Variants in MINDY4 observed in about 807,000 individuals in gnomAD.
The protein encoded by MINDY4 is MINDY lysine 48 deubiquitinase 4.
A neutral mutation model predicts 87.0 loss-of-function variants in MINDY4; 68 were observed. The ratio of observed to expected loss-of-function variants is 0.78; its 90% CI spans 0.64 to 0.96. The LOEUF is 0.96. Ranked by LOEUF, MINDY4 falls within the 40% of genes least tolerant of loss-of-function variation. MINDY4 has a pLI of 0.00. For synonymous variants in MINDY4, 379 were observed against 363.2 expected (o/e 1.04, Z -0.50); for missense variants, 919 against 928.2 (o/e 0.99, Z 0.13).
At position 30,879,451 on chromosome 7, in the gene MINDY4, T is replaced by C. The variant is rs369892410; in HGVS notation, c.1972-2730T>C. On this transcript the variant is annotated intron_variant, in intron 15 of 17. Transcript: ENST00000265299. ...GCCATCCAGTCCGTGGTATTTGTTA[T>C]GGCAGCCCGAGCAGACTAATGCAGA... is the stretch of plus-strand genomic sequence containing the variant. Among the ~76,000 whole-genome samples, 237 of 152,356 alleles carry C rather than the reference T, an allele frequency of 1.6e-3. 1 individual carries two copies. In the South Asian group the frequency reaches 0.048, roughly 31 times the overall value.
At chr7:30,861,787 G>T (rs1024009423) in intron 13 of MINDY4, among the ~76,000 whole-genome samples, 7 of 152,356 alleles carry the variant, frequency 4.6e-5, no homozygotes, top group African/African-American at 1.7e-4. Flanking sequence ...TGCAGCCTTG[G>T]CCTGGGGCCC....
intron 5 of MINDY4, among the ~76,000 whole-genome samples, chr7:30,801,985 C>T (rs193106559): frequency 2.6e-5 from 4 of 152,238 alleles, no homozygotes; most frequent in Admixed American, 6.5e-5. Context: ...TCCTGGGATA[C>T]AGGCTGGGAA....
intron 5 of MINDY4, among the ~76,000 whole-genome samples, chr7:30,805,942 C>T (rs934759244): frequency 6.6e-6 from 1 of 152,110 alleles, no homozygotes; most frequent in Non-Finnish European, 1.5e-5. Flanking sequence ...GCAGGGTGCA[C>T]GGGCTTGGGT....
chr7:30,794,996 T>G (rs1307971616), intron 5 of MINDY4, among the ~76,000 whole-genome samples: 1 of 152,192 alleles, frequency 6.6e-6, no homozygotes, highest in African/African-American at 2.4e-5. Flanking sequence ...AAATTTTTAC[T>G]TACAACCCCC....
intron 17 of MINDY4, among the ~76,000 whole-genome samples, chr7:30,889,869 C>T (rs1790745358): frequency 6.6e-6 from 1 of 152,146 alleles, no homozygotes; most frequent in African/African-American, 2.4e-5. Context: ...CAAGGTAGTT[C>T]TTTCAGTATT....
intron 13 of MINDY4, among the ~76,000 whole-genome samples, chr7:30,871,085 G>A (rs535155580): frequency 2.6e-5 from 4 of 151,662 alleles, no homozygotes; most frequent in Admixed American, 6.6e-5. Flanking sequence ...GCATGTGACC[G>A]CCAGGTTCAG....
At position 30,860,362 on chromosome 7, in the gene MINDY4, G is replaced by C. The variant is rs61657351; in HGVS notation, c.1745+1038G>C. Among the ~76,000 whole-genome samples, 766 of 152,236 alleles carry C rather than the reference G, an allele frequency of 5.0e-3. 6 individuals are homozygous for C. The highest frequency in any genetic ancestry group is 0.018 in the African/African-American group (740 of 41,520). ...TGCGCCAGGCTGCCTGCTGCTTGCT[G>C]CTTCTGACCTTATTAAATGCGTGTG... On this transcript the variant is annotated intron_variant, in intron 13 of 17. Coordinates refer to ENST00000265299, the MANE Select transcript of MINDY4 (RefSeq NM_032222.3).
rs775962382 is a variant in MINDY4 at position 30,785,881 on chromosome 7, G to A, written c.552G>A (p.Lys184=). ...VLTSAWEKID[K]LHSEPSLDVK... is the part of the protein sequence containing the mutation. Reference sequence around the variant, plus strand: ...CTTCTGCATGGGAGAAGATAGACAAGCTTCACTCGGAGCCTTCCTTGGATG... The same window carrying A: ...CTTCTGCATGGGAGAAGATAGACAAACTTCACTCGGAGCCTTCCTTGGATG... The change falls in exon 4 of 18, where the codon AAG becomes AAA. Residue 184 remains lysine, a synonymous_variant. Transcript: ENST00000265299. The A allele has an allele frequency of 1.8e-5, 29 of 1,614,248 alleles. No individual in the cohort carries two copies. In the East Asian group the frequency reaches 6.2e-4, roughly 35 times the overall value.
At position 30,859,314 on chromosome 7, in the gene MINDY4, T is replaced by A; in HGVS notation, c.1735T>A (p.Ser579Thr). 5 of 1,614,078 alleles carry A rather than the reference T, an allele frequency of 3.1e-6. No individual in the cohort carries two copies. Among genetic ancestry groups the A allele is most frequent in the Non-Finnish European group, 4.2e-6 (5 of 1,179,992 alleles). The change falls in exon 13 of 18, where the codon TCT becomes ACT. Residue 579 changes from serine (S) to threonine (T), a missense_variant. Physicochemically the swap from Ser to Thr is moderately conservative, Grantham distance 58 (BLOSUM62 1). Transcript: ENST00000265299. ...LLTLSAILSR[S>T]TELIRQDFDV... ...CACCCTTTCTGCCATCCTGTCCAGG[T>A]CTACAGAGCTGTGAGTATCTTTCTC...
intron 5 of MINDY4, among the ~76,000 whole-genome samples, chr7:30,814,364 T>TAATCTTGAAATAAGAGA (rs2128559140): frequency 6.6e-6 from 1 of 152,332 alleles, no homozygotes; most frequent in Non-Finnish European, 1.5e-5. Context: ...GAGGTAGACA[T>TAATCTTGAAATAAGAGA]AATCTTATTT....
chr7:30,847,384 C>G (rs1454511568), intron 9 of MINDY4, among the ~76,000 whole-genome samples: 1 of 152,168 alleles, frequency 6.6e-6, no homozygotes, highest in African/African-American at 2.4e-5. Flanking sequence ...GGGACAGGCC[C>G]TGCCCAAGAG....
At chr7:30,772,881 T>C (rs1404673701) in intron 1 of MINDY4, among the ~76,000 whole-genome samples, 1 of 152,130 alleles carries the variant, frequency 6.6e-6, no homozygotes, top group Non-Finnish European at 1.5e-5. Context: ...CTTTCTTGAG[T>C]ACAAATGAAA....
chr7:30,858,895 C>T, intron 12 of MINDY4: 1 of 464,108 alleles, frequency 2.2e-6, no homozygotes, highest in South Asian at 1.8e-5. Context: ...GGGCAGTAAT[C>T]ATAGTACTGT....
intron 5 of MINDY4, among the ~76,000 whole-genome samples, chr7:30,815,271 A>G (rs1200124394): frequency 6.6e-6 from 1 of 152,332 alleles, no homozygotes; most frequent in East Asian, 1.9e-4. Context: ...GGACAGGGCC[A>G]AGGCTGTAGA....
chr7:30,881,252 C>T (rs1039803620), intron 15 of MINDY4, among the ~76,000 whole-genome samples: 5 of 152,188 alleles, frequency 3.3e-5, no homozygotes, highest in Admixed American at 1.3e-4. Flanking sequence ...TCACAGGGGG[C>T]CCTTGTCACT....
At chr7:30,864,922 G>C (rs1426923684) in intron 13 of MINDY4, among the ~76,000 whole-genome samples, 1 of 152,248 alleles carries the variant, frequency 6.6e-6, no homozygotes, top group Non-Finnish European at 1.5e-5. Flanking sequence ...CCTCTGGGGG[G>C]AATCACGGGG....
chr7:30,854,842 G>A (rs554078502), intron 12 of MINDY4, among the ~76,000 whole-genome samples: 2 of 152,260 alleles, frequency 1.3e-5, no homozygotes, highest in Non-Finnish European at 2.9e-5. Context: ...AGGCAGGTGA[G>A]GTCACCGGAG....
At chr7:30,872,378 C>A in intron 14 of MINDY4, 72 bp downstream of exon 14, 1 of 1,401,088 alleles carries the variant, frequency 7.1e-7, no homozygotes, top group East Asian at 2.3e-5. Context: ...AGGTCCTCCT[C>A]CCTCCTCTTG....
At chr7:30,858,097 A>G (rs1305224006) in intron 12 of MINDY4, 2 of 152,110 alleles carry the variant, frequency 1.3e-5, no homozygotes, top group Non-Finnish European at 1.5e-5. Flanking sequence ...ACTGACTATT[A>G]TAACAGGCGG....
Sources: allele counts gnomAD v4.1 joint callset (sites outside exome capture counted in the v4.1 genomes callset), GRCh38; gene constraint gnomAD v4.1.1; transcripts MANE v1.5; gene names NCBI Gene and HGNC (gene_info 2026-07-23, HGNC 2026-07-21).